Variants in PDS5B observed in about 807,000 individuals in gnomAD.
PDS5B encodes the protein PDS5 cohesin associated factor B, also known as sister chromatid cohesion protein PDS5 homolog B.
A neutral mutation model predicts 184.1 loss-of-function variants in PDS5B; 51 were observed. That is an observed-to-expected ratio of 0.28 (90% CI 0.22 to 0.35). PDS5B has a LOEUF of 0.35. Among genes scored for constraint, PDS5B ranks in the 10% least tolerant of loss-of-function variants. The pLI, the probability that PDS5B is intolerant of heterozygous loss-of-function variation, is 1.00. For synonymous variants in PDS5B, 566 were observed against 569.2 expected (o/e 0.99, Z 0.08); for missense variants, 1,180 against 1,723.3 (o/e 0.68, Z 5.58).
At chr13:32,765,186 T>C (rs1026975415) in intron 31 of PDS5B, among the ~76,000 whole-genome samples, 1 of 152,218 alleles carries the variant, frequency 6.6e-6, no homozygotes, top group African/African-American at 2.4e-5. Context: ...CTAACACAAC[T>C]CAATGGACTT....
intron 19 of PDS5B, among the ~76,000 whole-genome samples, chr13:32,710,587 T>C (rs966470857): frequency 6.6e-6 from 1 of 152,216 alleles, no homozygotes; most frequent in African/African-American, 2.4e-5. Flanking sequence ...AATTGCAAAT[T>C]GAGCTGTTAT....
intron 19 of PDS5B, among the ~76,000 whole-genome samples, chr13:32,719,809 G>C (rs1292719141): frequency 7.3e-6 from 1 of 136,380 alleles, no homozygotes; most frequent in Non-Finnish European, 1.5e-5. Flanking sequence ...TTTTGTTTGA[G>C]ACAGGGTTTC....
At chr13:32,730,891 A>C (rs1953096651) in intron 19 of PDS5B, among the ~76,000 whole-genome samples, 1 of 152,272 alleles carries the variant, frequency 6.6e-6, no homozygotes, top group African/African-American at 2.4e-5. Context: ...GTTATCTGCA[A>C]ACAGTGACTA....
At chr13:32,758,246 G>C (rs1344160936) in intron 27 of PDS5B, 27 bp downstream of exon 27, 1 of 1,457,360 alleles carries the variant, frequency 6.9e-7, no homozygotes. Flanking sequence ...AAATAATTAT[G>C]GTTCCATATT....
chr13:32,707,805 T>C (rs368749113), intron 18 of PDS5B, among the ~76,000 whole-genome samples: 9 of 151,748 alleles, frequency 5.9e-5, no homozygotes, highest in African/African-American at 2.2e-4. Flanking sequence ...ATAATAAACA[T>C]TTTTGAAATG....
intron 31 of PDS5B, among the ~76,000 whole-genome samples, chr13:32,768,832 T>G (rs1593654698): frequency 8.4e-6 from 1 of 118,850 alleles, no homozygotes. Flanking sequence ...CTGGGTGCAG[T>G]GGCTCATGCC....
At chr13:32,664,388 G>A (rs1324953681) in intron 6 of PDS5B, among the ~76,000 whole-genome samples, 2 of 152,142 alleles carry the variant, frequency 1.3e-5, no homozygotes, top group Admixed American at 6.6e-5. Context: ...CTTTAACAAA[G>A]ATGTGAGGTA....
At chr13:32,668,932 ATTAAT>A (rs757599604) in intron 7 of PDS5B, among the ~76,000 whole-genome samples, 2 of 152,184 alleles carry the variant, frequency 1.3e-5, no homozygotes, top group African/African-American at 4.8e-5. Context: ...ATTTGGAAAA[ATTAAT>A]TTAATTTGTA....
Position 32,772,415 on chromosome 13 carries a change from G to A in PDS5B, c.4173-774G>A, listed in dbSNP as rs375426778. The stretch of plus-strand genomic sequence containing the variant: ...TTCCACCATCTAATGGAGTGAGGAA[G>A]TTTTTTCTTTAAAAGTAACAATGAG... On this transcript the variant is annotated intron_variant, in intron 33 of 34. Transcript: ENST00000315596. Among the ~76,000 whole-genome samples the A allele has an allele frequency of 6.7e-4, 102 of 152,274 alleles. 1 individual carries two copies. The South Asian group carries it at 0.021, about 31-fold the overall frequency.
intron 3 of PDS5B, among the ~76,000 whole-genome samples, chr13:32,655,882 C>T (rs1351835270): frequency 2.0e-5 from 3 of 152,166 alleles, no homozygotes. Context: ...TTGACATCTT[C>T]ATCATGAAAT....
rs185934665 is a variant in PDS5B at position 32,600,734 on chromosome 13, G to A, written c.-20+14141G>A. Among the ~76,000 whole-genome samples the A allele has an allele frequency of 2.4e-3, 371 of 152,260 alleles. 2 individuals carry two copies. Among genetic ancestry groups the A allele is most frequent in the African/African-American group, 8.4e-3 (348 of 41,556 alleles). On this transcript the variant is annotated intron_variant, in intron 1 of 34. Coordinates refer to ENST00000315596, the MANE Select transcript of PDS5B (RefSeq NM_015032.4). ...AGCCTGGGCAACAGAGTGAGACTTC[G>A]TCTTCAAAACAAAACAAAAAAATTT...
chr13:32,626,013 T>C lies in PDS5B; in HGVS notation c.-19-22741T>C, dbSNP rs2058366043. On this transcript the variant is annotated intron_variant, in intron 1 of 34. Coordinates refer to ENST00000315596, the MANE Select transcript of PDS5B (RefSeq NM_015032.4). Reference sequence around the variant, plus strand: ...ACTACCAACGCCTGGCTAATTTTTGTGTTTTTAGTAGGTATGGGGTTTTGC... The same window carrying C: ...ACTACCAACGCCTGGCTAATTTTTGCGTTTTTAGTAGGTATGGGGTTTTGC... 5.9e-5 allele frequency among the ~76,000 whole-genome samples: 9 copies of C among 152,208 alleles called. No homozygotes were observed. In the South Asian group the frequency reaches 1.9e-3, roughly 32 times the overall value.
intron 1 of PDS5B, among the ~76,000 whole-genome samples, chr13:32,638,189 A>G (rs755363764): frequency 6.6e-5 from 10 of 152,214 alleles, no homozygotes; most frequent in Non-Finnish European, 1.2e-4. Flanking sequence ...AGCAGTAGGT[A>G]AGCTAACCCA....
At chr13:32,716,780 C>T (rs1464796718) in intron 19 of PDS5B, among the ~76,000 whole-genome samples, 1 of 130,862 alleles carries the variant, frequency 7.6e-6, no homozygotes, top group Non-Finnish European at 1.8e-5. Context: ...GCCGCCCCGT[C>T]CGGGAGGGAG....
intron 19 of PDS5B, among the ~76,000 whole-genome samples, chr13:32,721,212 T>A (rs1414320368): frequency 7.0e-6 from 1 of 142,874 alleles, no homozygotes; most frequent in Non-Finnish European, 1.5e-5. Flanking sequence ...TTCCCAGACG[T>A]GGCAGCCGGG....
At chr13:32,651,641 T>C (rs574357333) in intron 2 of PDS5B, among the ~76,000 whole-genome samples, 163 bp from the exon 3 acceptor site, 1 of 152,298 alleles carries the variant, frequency 6.6e-6, no homozygotes, top group South Asian at 2.1e-4. Flanking sequence ...GAAGTTTACT[T>C]TGTAGTTTTA....
chr13:32,632,699 G>A (rs920749831), intron 1 of PDS5B, among the ~76,000 whole-genome samples: 3 of 152,236 alleles, frequency 2.0e-5, no homozygotes, highest in African/African-American at 7.2e-5. Context: ...GTACAGCAGT[G>A]TTTATTGCAG....
intron 21 of PDS5B, among the ~76,000 whole-genome samples, chr13:32,737,737 T>G (rs1424512242): frequency 2.6e-5 from 4 of 152,226 alleles, no homozygotes; most frequent in African/African-American, 9.6e-5. Flanking sequence ...ATTATATATT[T>G]GATATGTACA....
intron 1 of PDS5B, among the ~76,000 whole-genome samples, chr13:32,606,562 G>A (rs758287156): frequency 5.8e-4 from 88 of 152,182 alleles, no homozygotes; most frequent in Non-Finnish European, 3.1e-4. Context: ...TGCCCTTCTC[G>A]AGGAGTATCT....
Sources: allele counts gnomAD v4.1 joint callset (sites outside exome capture counted in the v4.1 genomes callset), GRCh38; gene constraint gnomAD v4.1.1; transcripts MANE v1.5; gene names NCBI Gene and HGNC (gene_info 2026-07-23, HGNC 2026-07-21).